DNM3: variants seen among roughly 807,000 people sequenced by gnomAD.
The protein encoded by DNM3 is dynamin 3.
A neutral mutation model predicts 101.6 loss-of-function variants in DNM3; 47 were observed. The observed-to-expected ratio is 0.46, with a 90% CI of 0.37 to 0.59. DNM3 has a LOEUF of 0.59. DNM3 is among the 20% of genes least tolerant of loss of function. DNM3 has a pLI of 0.00. For synonymous variants in DNM3, 385 were observed against 387.9 expected (o/e 0.99, Z 0.09); for missense variants, 849 against 1,085.7 (o/e 0.78, Z 3.06).
intron 1 of DNM3, among the ~76,000 whole-genome samples, chr1:171,863,744 C>T (rs1373033931): frequency 2.6e-5 from 4 of 152,154 alleles, no homozygotes; most frequent in East Asian, 1.9e-4. Context: ...GTCTCCATAG[C>T]GTTACACATG....
rs576314382 is a variant in DNM3 at position 172,394,547 on chromosome 1, C to T, written c.2522+5738C>T. On this transcript the variant is annotated intron_variant, in intron 20 of 20. Transcript: ENST00000627582. ...CCAGTGGTAACTGGCATTAAGCTAA[C>T]CAAACACAACTGCTTCCACATCCCA... 3 of 152,344 alleles carry T rather than the reference C, an allele frequency of 2.0e-5. 1 individual carries two copies. The highest frequency in any genetic ancestry group is 7.2e-5 in the African/African-American group (3 of 41,574). The allele number at this position is 152,344 out of a possible 1,614,324, so 9.4% of individuals were successfully genotyped here. A position where few individuals can be genotyped will look rare whatever the true frequency, so the allele number is the denominator to read the frequency against.
At position 172,068,998 on chromosome 1, in the gene DNM3, G is replaced by A. The variant is rs1202926430; in HGVS notation, c.1422+93G>A. The A allele has an allele frequency of 2.2e-5, 24 of 1,070,286 alleles. No individual in the cohort carries two copies. The Middle Eastern group carries it at 8.1e-4, about 36-fold the overall frequency. 66.3% of individuals were successfully genotyped at this position (1,070,286 alleles called of 1,614,324 possible). ...GGTAGTTCCCAACAGTCAGCCTGTC[G>A]CTTAAAGGAAAAAAAAATAGTGGAA... On this transcript the variant is annotated intron_variant, in intron 11 of 20. Transcript: ENST00000627582.
intron 1 of DNM3, among the ~76,000 whole-genome samples, chr1:171,867,000 G>A (rs1034387364): frequency 1.1e-4 from 17 of 152,190 alleles, no homozygotes; most frequent in African/African-American, 4.1e-4. Context: ...AAAAGTTTAG[G>A]TGCACCTAAG....
chr1:172,202,049 T>C (rs2060173811), intron 14 of DNM3, among the ~76,000 whole-genome samples: 1 of 152,196 alleles, frequency 6.6e-6, no homozygotes, highest in South Asian at 2.1e-4. Flanking sequence ...CTTTATTCTC[T>C]GTGGATCAAG....
At chr1:171,882,343 C>A (rs1158521756) in intron 1 of DNM3, among the ~76,000 whole-genome samples, 252 of 110,382 alleles carry the variant, frequency 2.3e-3, no homozygotes, top group Middle Eastern at 5.3e-3. Flanking sequence ...AACTCCGTCT[C>A]AAAAAAAAAA....
intron 1 of DNM3, among the ~76,000 whole-genome samples, chr1:171,858,348 C>G (rs757350216): frequency 2.6e-5 from 4 of 152,092 alleles, no homozygotes; most frequent in Admixed American, 6.6e-5. Flanking sequence ...CTGTACTTCT[C>G]TCTTCATTTT....
At chr1:171,972,406 T>G (rs1337287998) in intron 2 of DNM3, among the ~76,000 whole-genome samples, 1 of 152,180 alleles carries the variant, frequency 6.6e-6, no homozygotes, top group Admixed American at 6.5e-5. Context: ...ACACATTCCT[T>G]ATAGTGGAGA....
rs187363541 is a variant in DNM3, at chr1:171,916,575, C to G, written c.162-5173C>G. On this transcript the variant is annotated intron_variant, in intron 1 of 20. Transcript: ENST00000627582. ...CCTGCCATTTGTCTTCTTTCCATCT[C>G]TACCATTACTGCCTTGGACTTGACA... 2.0e-5 allele frequency among the ~76,000 whole-genome samples: 3 copies of G among 152,316 alleles called. No homozygotes were observed. The East Asian group carries it at 5.8e-4, about 29-fold the overall frequency.
intron 1 of DNM3, among the ~76,000 whole-genome samples, chr1:171,845,079 G>C (rs2031857189): frequency 6.6e-6 from 1 of 152,086 alleles, no homozygotes; most frequent in South Asian, 2.1e-4. Flanking sequence ...CTCACTCAAG[G>C]ATAATTTAAT....
chr1:172,242,475 C>T (rs559788885), intron 14 of DNM3, among the ~76,000 whole-genome samples: 27 of 152,276 alleles, frequency 1.8e-4, no homozygotes, highest in Middle Eastern at 6.8e-3. Flanking sequence ...CAGGATCTCA[C>T]TCTGTCATCT....
intron 2 of DNM3, among the ~76,000 whole-genome samples, chr1:171,953,220 T>C (rs2042639627): frequency 6.6e-6 from 1 of 152,230 alleles, no homozygotes; most frequent in African/African-American, 2.4e-5. Flanking sequence ...AATGTGATGC[T>C]TGCTATCGCC....
intron 15 of DNM3, among the ~76,000 whole-genome samples, chr1:172,284,061 G>C (rs1029814136): frequency 2.0e-5 from 3 of 152,194 alleles, no homozygotes; most frequent in Admixed American, 2.0e-4. Context: ...GGAAGAAAAA[G>C]AAGTGAAATA....
In DNM3 at chr1:172,061,501, T is replaced by C. The variant is rs568560765; in HGVS notation, c.1336-7318T>C. ...AAGAAAATGTGGCATATATACACCA[T>C]GGAATACTATGCAGCCATAAAAAAT... On this transcript the variant is annotated intron_variant, in intron 10 of 20. Coordinates refer to ENST00000627582, the MANE Select transcript of DNM3 (RefSeq NM_015569.5). 9.6e-3 allele frequency among the ~76,000 whole-genome samples: 1,456 copies of C among 151,474 alleles called. 22 individuals carry two copies. Among genetic ancestry groups the C allele is most frequent in the African/African-American group, 0.032 (1,311 of 41,170 alleles).
intron 15 of DNM3, among the ~76,000 whole-genome samples, chr1:172,290,459 G>T (rs2063863284): frequency 6.6e-6 from 1 of 152,126 alleles, no homozygotes; most frequent in African/African-American, 2.4e-5. Flanking sequence ...AAATAAAAAG[G>T]CCAATGTGGC....
intron 15 of DNM3, among the ~76,000 whole-genome samples, chr1:172,298,584 C>T (rs1306589016): frequency 6.6e-6 from 1 of 152,050 alleles, no homozygotes; most frequent in Admixed American, 6.6e-5. Context: ...TTGCTCACAC[C>T]CTGTCTACCT....
chr1:171,915,570 A>G (rs935855737), intron 1 of DNM3, among the ~76,000 whole-genome samples: 1 of 152,204 alleles, frequency 6.6e-6, no homozygotes, highest in Admixed American at 6.5e-5. Context: ...ATGGATGCTG[A>G]TGATGTGGAT....
chr1:171,954,245 T>C (rs1183669060), intron 2 of DNM3, among the ~76,000 whole-genome samples: 1 of 152,240 alleles, frequency 6.6e-6, no homozygotes, highest in African/African-American at 2.4e-5. Flanking sequence ...TGTATTATCA[T>C]AGTAAATCTC....
intron 16 of DNM3, among the ~76,000 whole-genome samples, chr1:172,314,911 G>C (rs956107979): frequency 1.3e-5 from 2 of 152,216 alleles, no homozygotes; most frequent in Non-Finnish European, 2.9e-5. Flanking sequence ...CGCAGCTGGA[G>C]ATCTGAGAAC....
chr1:172,206,050 T>A (rs985823333), intron 14 of DNM3, among the ~76,000 whole-genome samples: 1 of 152,146 alleles, frequency 6.6e-6, no homozygotes, highest in African/African-American at 2.4e-5. Flanking sequence ...TCATTATACA[T>A]CAAAAAATTA....
Sources: allele counts gnomAD v4.1 joint callset (sites outside exome capture counted in the v4.1 genomes callset), GRCh38; gene constraint gnomAD v4.1.1; transcripts MANE v1.5; gene names NCBI Gene and HGNC (gene_info 2026-07-23, HGNC 2026-07-21).